Variants in CHRM3 observed in about 807,000 individuals in gnomAD.
CHRM3 encodes the protein cholinergic receptor muscarinic 3.
CHRM3 carries 11 observed loss-of-function variants against 41.8 expected under a neutral mutation model. The ratio of observed to expected loss-of-function variants is 0.26; its 90% CI spans 0.17 to 0.44. The LOEUF (loss-of-function observed/expected upper bound fraction) is 0.44. Among genes scored for constraint, CHRM3 ranks in the 20% least tolerant of loss-of-function variants. CHRM3 has a pLI of 1.00. For missense variants in CHRM3, 571 were observed against 745.4 expected (o/e 0.77, Z 2.72); for synonymous variants, 297 against 301.4 (o/e 0.99, Z 0.15).
intron 6 of CHRM3, among the ~76,000 whole-genome samples, chr1:239,861,799 G>A (rs1399069151): frequency 6.6e-6 from 1 of 152,020 alleles, no homozygotes; most frequent in African/African-American, 2.4e-5. Flanking sequence ...TTAGTTCTAG[G>A]CTTTCTTAGT....
intron 1 of CHRM3, among the ~76,000 whole-genome samples, chr1:239,444,604 C>G (rs907954068): frequency 6.6e-6 from 1 of 151,800 alleles, no homozygotes; most frequent in Non-Finnish European, 1.5e-5. Flanking sequence ...TGGAAGGGAA[C>G]CTGGGGAGGG....
At chr1:239,791,903 C>A (rs1286850789) in intron 5 of CHRM3, among the ~76,000 whole-genome samples, 1 of 152,114 alleles carries the variant, frequency 6.6e-6, no homozygotes, top group East Asian at 1.9e-4. Context: ...AGATACAAGA[C>A]CTACAATAGT....
At chr1:239,637,215 T>A (rs1246165894) in intron 4 of CHRM3, among the ~76,000 whole-genome samples, 1 of 152,148 alleles carries the variant, frequency 6.6e-6, no homozygotes, top group African/African-American at 2.4e-5. Flanking sequence ...TTTGGTTTTG[T>A]AAATTTATTT....
intron 6 of CHRM3, among the ~76,000 whole-genome samples, chr1:239,883,652 A>G (rs1192650437): frequency 3.3e-5 from 5 of 152,204 alleles, no homozygotes. Context: ...CTTGGGGCAC[A>G]AAAGTAGTAT....
At chr1:239,443,673 T>G (rs1663903215) in intron 1 of CHRM3, among the ~76,000 whole-genome samples, 1 of 152,310 alleles carries the variant, frequency 6.6e-6, no homozygotes, top group African/African-American at 2.4e-5. Context: ...AAAGAAAATC[T>G]TAAGGGAAAT....
intron 5 of CHRM3, among the ~76,000 whole-genome samples, chr1:239,758,048 T>A (rs934736795): frequency 6.6e-6 from 1 of 152,198 alleles, no homozygotes; most frequent in Admixed American, 6.5e-5. Flanking sequence ...GTGTTTGCTG[T>A]ATAACAACAA....
At chr1:239,414,036 C>T (rs12133100) in intron 1 of CHRM3, among the ~76,000 whole-genome samples, 23,742 of 152,138 alleles carry the variant, frequency 0.16, 2,082 homozygotes, top group South Asian at 0.25. Flanking sequence ...TTTTAGACTT[C>T]GCTAGGCCCT....
chr1:239,403,289 A>G (rs1222359268), intron 1 of CHRM3, among the ~76,000 whole-genome samples: 4 of 152,304 alleles, frequency 2.6e-5, no homozygotes, highest in African/African-American at 9.6e-5. Flanking sequence ...TCACTGATCT[A>G]TCCCAAGGGC....
chr1:239,499,332 A>G (rs976483159), intron 2 of CHRM3, among the ~76,000 whole-genome samples: 1 of 152,122 alleles, frequency 6.6e-6, no homozygotes, highest in African/African-American at 2.4e-5. Flanking sequence ...TAGTATTTGA[A>G]AATAGGTGTA....
intron 3 of CHRM3, among the ~76,000 whole-genome samples, chr1:239,610,764 A>G (rs1033763338): frequency 1.3e-5 from 2 of 152,130 alleles, no homozygotes; most frequent in Admixed American, 1.3e-4. Context: ...CTTTTAAGAA[A>G]TGCCCTAGGC....
intron 6 of CHRM3, among the ~76,000 whole-genome samples, chr1:239,879,793 C>T (rs995858861): frequency 6.6e-6 from 1 of 152,216 alleles, no homozygotes; most frequent in Non-Finnish European, 1.5e-5. Flanking sequence ...TCCACGGTCA[C>T]ACACAGCTGG....
chr1:239,793,287 G>A (rs1383468981), intron 5 of CHRM3, among the ~76,000 whole-genome samples: 1 of 152,154 alleles, frequency 6.6e-6, no homozygotes, highest in Non-Finnish European at 1.5e-5. Flanking sequence ...AATTTAGTGT[G>A]CTGCTGGGAG....
At chr1:239,600,817 C>T (rs1005180833) in intron 3 of CHRM3, among the ~76,000 whole-genome samples, 17 of 149,744 alleles carry the variant, frequency 1.1e-4, no homozygotes, top group African/African-American at 4.2e-4. Flanking sequence ...TCCTTCCTTC[C>T]TTCCTCTTTA....
chr1:239,662,930 T>TCTTCTTCTTCTTCTTCTTCTTCTC (rs972963044), intron 4 of CHRM3, among the ~76,000 whole-genome samples: 11 of 148,378 alleles, frequency 7.4e-5, no homozygotes, highest in African/African-American at 2.5e-4. Context: ...TTCTTCTTCT[T>TCTTCTTCTTCTTCTTCTTCTTCTC]CTCCTCTTCT....
At chr1:239,453,291 C>T (rs1348664274) in intron 1 of CHRM3, among the ~76,000 whole-genome samples, 1 of 152,194 alleles carries the variant, frequency 6.6e-6, no homozygotes, top group African/African-American at 2.4e-5. Context: ...ATCTTTTATT[C>T]CTACCTTACA....
chr1:239,496,875 C>T (rs1667922190), intron 2 of CHRM3, among the ~76,000 whole-genome samples: 2 of 151,986 alleles, frequency 1.3e-5, no homozygotes, highest in Non-Finnish European at 2.9e-5. Flanking sequence ...TCTCACTTTC[C>T]CAGCCAGTCC....
chr1:239,775,839 AAG>A (rs1188212082), intron 5 of CHRM3, among the ~76,000 whole-genome samples: 1 of 152,312 alleles, frequency 6.6e-6, no homozygotes, highest in South Asian at 2.1e-4. Context: ...TGGTGACAAA[AAG>A]AGCATAAAAG....
At chr1:239,797,660 A>C (rs1669898229) in intron 5 of CHRM3, among the ~76,000 whole-genome samples, 1 of 152,192 alleles carries the variant, frequency 6.6e-6, no homozygotes, top group Non-Finnish European at 1.5e-5. Flanking sequence ...TTTTCAGTGC[A>C]GTTGTCATCT....
At chr1:239,673,296 T>C (rs1337521873) in intron 4 of CHRM3, among the ~76,000 whole-genome samples, 1 of 152,186 alleles carries the variant, frequency 6.6e-6, no homozygotes, top group Non-Finnish European at 1.5e-5. Context: ...GGAAGATTGC[T>C]GATCACGCGT....
Sources: gnomAD v4.1 joint callset for allele counts (sites outside exome capture counted in the v4.1 genomes callset) on GRCh38, gnomAD v4.1.1 for gene constraint, MANE v1.5 for transcripts, NCBI Gene and HGNC (gene_info 2026-07-23, HGNC 2026-07-21) for gene names.